Variants in ANKRD42 observed in about 807,000 individuals in gnomAD.
ANKRD42 encodes ankyrin repeat domain-containing protein 42.
A neutral mutation model predicts 51.5 loss-of-function variants in ANKRD42; 43 were observed. That is an observed-to-expected ratio of 0.83 (90% CI 0.65 to 1.08). ANKRD42 has a LOEUF of 1.08. Ranked by LOEUF, ANKRD42 falls within the 50% of genes least tolerant of loss-of-function variation. The pLI is 0.00. For missense variants in ANKRD42, 608 were observed against 629.3 expected (o/e 0.97, Z 0.36); for synonymous variants, 203 against 213.0 (o/e 0.95, Z 0.41).
intron 5 of ANKRD42, among the ~76,000 whole-genome samples, chr11:83,223,870 C>T (rs61900279): frequency 0.024 from 3,650 of 151,882 alleles, 87 homozygotes; most frequent in South Asian, 0.07. Flanking sequence ...CCCAAGCGGT[C>T]ATTTCTTAAG....
chr11:83,214,167 G>A (rs1028738074), intron 5 of ANKRD42: 2 of 153,452 alleles, frequency 1.3e-5, no homozygotes, highest in South Asian at 4.1e-4. Context: ...GGGATTACAG[G>A]TGTGAGCCAC....
At position 83,219,790 on chromosome 11, in the gene ANKRD42, A is replaced by T. The variant is rs78977033; in HGVS notation, c.587-5065A>T. On this transcript the variant is annotated intron_variant, in intron 5 of 10. Coordinates refer to ENST00000533342, the MANE Select transcript of ANKRD42 (RefSeq NM_001300975.2). ...ATGCCCTAAGACTTCTACTATCCAC[A>T]TGAAAATTACCTGTCTTTAAATTGT... Among the ~76,000 whole-genome samples, 720 of 152,316 alleles carry T rather than the reference A, an allele frequency of 4.7e-3. 6 individuals carry two copies. The highest frequency in any genetic ancestry group is 0.016 in the African/African-American group (685 of 41,570).
downstream of ANKRD42, chr11:83,257,224 T>C (rs1371331125): frequency 4.6e-6 from 2 of 432,412 alleles, no homozygotes; most frequent in African/African-American, 4.1e-5. Flanking sequence ...CCATGTGAGA[T>C]AGATGCAAGG....
intron 9 of ANKRD42, among the ~76,000 whole-genome samples, chr11:83,243,885 C>G (rs1024081384): frequency 1.3e-5 from 2 of 149,144 alleles, no homozygotes; most frequent in Non-Finnish European, 3.0e-5. Context: ...AGGATGGTCT[C>G]TATCTCCTGA....
chr11:83,245,509 A>C lies in ANKRD42; in HGVS notation c.1207A>C (p.Lys403Gln), dbSNP rs1863517830. 1.3e-6 allele frequency: 2 copies of C among 1,536,324 alleles called. No individual in the cohort carries two copies. Among genetic ancestry groups the C allele is most frequent in the Admixed American group, 3.9e-5 (2 of 51,004 alleles). Reference protein sequence around the residue: ...DKTDARMRAYKKIVELRHLLE... With the variant: ...DKTDARMRAYQKIVELRHLLE... The stretch of plus-strand genomic sequence containing the variant: ...ACTCTGTCTTGCAGTGAGAGCTTAC[A>C]AGAAAATTGTAGAATTGAGACACCT... The change falls in exon 10 of 11, where the codon AAG becomes CAG. Residue 403 changes from lysine to glutamine, a missense_variant. Physicochemically the swap from Lys to Gln is moderately conservative, Grantham distance 53 (BLOSUM62 1). Coordinates refer to ENST00000533342, the MANE Select transcript of ANKRD42 (RefSeq NM_001300975.2).
At position 83,230,707 on chromosome 11, in the gene ANKRD42, C is replaced by T. The variant is rs1300715069; in HGVS notation, c.913+2835C>T. 2.6e-5 allele frequency among the ~76,000 whole-genome samples: 4 copies of T among 152,160 alleles called. No homozygotes were observed. In the East Asian group the frequency reaches 7.7e-4, roughly 29 times the overall value. On this transcript the variant is annotated intron_variant, in intron 7 of 10. Transcript: ENST00000533342. ...GTTCAAGCGATTCTCCTGCCTCAGC[C>T]TCCCGAGTAGCTGGGACTACAGGTG...
Position 83,227,748 on chromosome 11 carries a change from T to G in ANKRD42, c.789T>G (p.Thr263=), listed in dbSNP as rs79522535. 5,397 of 1,607,906 alleles carry G rather than the reference T, an allele frequency of 3.4e-3. 135 individuals carry two copies. The African/African-American group carries it at 0.061, about 18-fold the overall frequency. The change falls in exon 7 of 11, where the codon ACT becomes ACG. Residue 263 remains threonine, a splice_region_variant and synonymous_variant. Transcript: ENST00000533342. ...YEGKDLEDQE[T]LAFPGHVAAF... ...AATGCTGAATTTTTTTATTCATAGC[T>G]TTAGCATTTCCAGGTCATGTGGCTG...
At chr11:83,224,228 A>G (rs1233824724) in intron 5 of ANKRD42, among the ~76,000 whole-genome samples, 2 of 152,142 alleles carry the variant, frequency 1.3e-5, no homozygotes, top group Non-Finnish European at 2.9e-5. Flanking sequence ...TAGTGATAAA[A>G]TATTATAATG....
At position 83,216,376 on chromosome 11, in the gene ANKRD42, T is replaced by G. The variant is rs951463416; in HGVS notation, c.586+4946T>G. 1.6e-4 allele frequency among the ~76,000 whole-genome samples: 24 copies of G among 151,728 alleles called. 1 individual carries two copies. The highest frequency in any genetic ancestry group is 3.9e-4 in the Admixed American group (6 of 15,232). The stretch of plus-strand genomic sequence containing the variant: ...AGTCTCGCTGTCGCCCAGGCTGGAG[T>G]GCAGTGGCGCAATCTCGGCTCACTG... On this transcript the variant is annotated intron_variant, in intron 5 of 10. Transcript: ENST00000533342.
chr11:83,215,666 T>A (rs920462398), intron 5 of ANKRD42, among the ~76,000 whole-genome samples: 42 of 152,208 alleles, frequency 2.8e-4, no homozygotes, highest in Non-Finnish European at 5.0e-4. Context: ...CAGATTATTT[T>A]AAAGAGATGA....
chr11:83,202,325 T>C (rs1006528501), intron 2 of ANKRD42, among the ~76,000 whole-genome samples: 3 of 152,204 alleles, frequency 2.0e-5, no homozygotes, highest in African/African-American at 7.2e-5. Context: ...TTCTGAGCAC[T>C]CTTGTTCTGT....
chr11:83,196,775 A>G (rs992557056), intron 1 of ANKRD42, among the ~76,000 whole-genome samples: 2 of 152,350 alleles, frequency 1.3e-5, no homozygotes, highest in East Asian at 3.9e-4. Context: ...ATGAGTGAAT[A>G]AATCGGGATG....
intron 8 of ANKRD42, among the ~76,000 whole-genome samples, chr11:83,238,547 C>A (rs1863288277): frequency 6.6e-6 from 1 of 151,924 alleles, no homozygotes; most frequent in African/African-American, 2.4e-5. Flanking sequence ...AGGAAAAGTT[C>A]AGGCCGGGCA....
chr11:83,247,471 C>G (rs1863578874), intron 10 of ANKRD42, among the ~76,000 whole-genome samples: 1 of 152,094 alleles, frequency 6.6e-6, no homozygotes, highest in African/African-American at 2.4e-5. Flanking sequence ...TTCCTTTTGT[C>G]TGGAATGCTT....
At chr11:83,236,165 A>G (rs1863215410) in intron 7 of ANKRD42, among the ~76,000 whole-genome samples, 1 of 152,194 alleles carries the variant, frequency 6.6e-6, no homozygotes, top group South Asian at 2.1e-4. Flanking sequence ...TTCAGCTTTT[A>G]TATCCGTGTG....
chr11:83,247,872 G>C, intron 10 of ANKRD42, 71 bp from the exon 11 acceptor site: 1 of 1,261,694 alleles, frequency 7.9e-7, no homozygotes, highest in Non-Finnish European at 1.1e-6. Context: ...ATGTATGAAT[G>C]CTTTCCACTA....
chr11:83,219,201 G>T (rs767456284), intron 5 of ANKRD42, among the ~76,000 whole-genome samples: 14 of 152,294 alleles, frequency 9.2e-5, no homozygotes, highest in Non-Finnish European at 1.6e-4. Flanking sequence ...AAAGCTCATG[G>T]CTGCTTTTCC....
intron 5 of ANKRD42, chr11:83,212,769 C>T: frequency 2.0e-6 from 3 of 1,520,220 alleles, no homozygotes; most frequent in South Asian, 1.2e-5. Flanking sequence ...CACTACTGTC[C>T]AGGATCATTT....
chr11:83,225,799 A>AAT (rs1862863161), intron 6 of ANKRD42, among the ~76,000 whole-genome samples: 1 of 151,216 alleles, frequency 6.6e-6, no homozygotes, highest in Non-Finnish European at 1.5e-5. Flanking sequence ...AAAAAAAAAA[A>AAT]AAAAAAGGAA....
Sources: gnomAD v4.1 joint callset for allele counts (sites outside exome capture counted in the v4.1 genomes callset) on GRCh38, gnomAD v4.1.1 for gene constraint, MANE v1.5 for transcripts, NCBI Gene and HGNC (gene_info 2026-07-23, HGNC 2026-07-21) for gene names.